The following CDC42EP5 variants were observed in gnomAD, a reference collection of about 807,000 sequenced individuals.
The protein encoded by CDC42EP5 is CDC42 effector protein (Rho GTPase binding) 5.
For missense variants in CDC42EP5, 269 were observed against 238.0 expected (o/e 1.13, Z -0.86); for synonymous variants, 118 against 123.3 (o/e 0.96, Z 0.28).
At chr19:54,465,998 C>G (rs1268697330) in intron 2 of CDC42EP5, among the ~76,000 whole-genome samples, 1 of 152,164 alleles carries the variant, frequency 6.6e-6, no homozygotes, top group Non-Finnish European at 1.5e-5. Context: ...CTGCTGAGCT[C>G]ACATTTGGAT....
At chr19:54,470,315 T>C (rs766213519) in intron 2 of CDC42EP5, among the ~76,000 whole-genome samples, 4 of 151,200 alleles carry the variant, frequency 2.6e-5, no homozygotes, top group African/African-American at 4.9e-5. Flanking sequence ...GAGGCTGCAG[T>C]GAGGTATGAT....
intron 2 of CDC42EP5, among the ~76,000 whole-genome samples, chr19:54,468,806 C>G (rs538426242): frequency 6.6e-6 from 1 of 151,592 alleles, no homozygotes; most frequent in African/African-American, 2.4e-5. Flanking sequence ...CCCGCCTTGG[C>G]CTCCCAAAGT....
chr19:54,470,204 C>CAAAAAT (rs1019456762), intron 2 of CDC42EP5, among the ~76,000 whole-genome samples: 1 of 151,632 alleles, frequency 6.6e-6, no homozygotes, highest in African/African-American at 2.4e-5. Context: ...GATCTCTCTA[C>CAAAAAT]AAAAATAAAA....
At position 54,465,089 on chromosome 19, in the gene CDC42EP5, G is replaced by A. The variant is rs754980580; in HGVS notation, c.*12C>T. On this transcript the variant is annotated 3_prime_UTR_variant, in exon 3 of 3. Transcript: ENST00000301200. ...GGGTGCCGGGCGGGAAGGGCGCGGG[G>A]AATGAGGGAACCTAGAGGCCGATGA... The A allele has an allele frequency of 4.5e-6, 6 of 1,322,328 alleles. No individual in the cohort carries two copies. Among genetic ancestry groups the A allele is most frequent in the Non-Finnish European group, 4.8e-6 (5 of 1,035,010 alleles). The allele number at this position is 1,322,328 out of a possible 1,614,324, so 81.9% of individuals were successfully genotyped here. A position where few individuals can be genotyped will look rare whatever the true frequency, so the allele number is the denominator to read the frequency against.
At chr19:54,469,378 T>A (rs950350111) in intron 2 of CDC42EP5, among the ~76,000 whole-genome samples, 5 of 150,922 alleles carry the variant, frequency 3.3e-5, no homozygotes, top group South Asian at 4.2e-4. Flanking sequence ...ATCCACAGTT[T>A]AAAAAAAAAA....
At chr19:54,472,473 C>A (rs2084856770) in intron 1 of CDC42EP5, among the ~76,000 whole-genome samples, 1 of 86,508 alleles carries the variant, frequency 1.2e-5, no homozygotes, top group Non-Finnish European at 2.3e-5. Flanking sequence ...GACCCCCCAG[C>A]CCCTCCTCCC....
At chr19:54,471,408 A>AC in intron 2 of CDC42EP5, 137 bp downstream of exon 2, 1 of 151,536 alleles carries the variant, frequency 6.6e-6, no homozygotes, top group Non-Finnish European at 1.5e-5. Context: ...GGGTCGGGGG[A>AC]CCCCAGATGG....
At chr19:54,471,878 G>GC (rs1225301690) in intron 1 of CDC42EP5, among the ~76,000 whole-genome samples, 193 bp from the exon 2 acceptor site, 1 of 104,498 alleles carries the variant, frequency 9.6e-6, no homozygotes, top group Non-Finnish European at 2.0e-5. Flanking sequence ...AGACCCCCCA[G>GC]CCCCTCCTCC....
Position 54,465,477 on chromosome 19 carries a change from G to T in CDC42EP5, c.71C>A (p.Ser24Tyr), listed in dbSNP as rs895702369. 4 of 1,531,642 alleles carry T rather than the reference G, an allele frequency of 2.6e-6. No individual in the cohort carries two copies. The highest frequency in any genetic ancestry group is 3.5e-6 in the Non-Finnish European group (4 of 1,151,714). 94.9% of individuals were successfully genotyped at this position (1,531,642 alleles called of 1,614,324 possible). A position where few individuals can be genotyped will look rare whatever the true frequency, so the allele number is the denominator to read the frequency against. Residue 24 changes from serine (S) to tyrosine (Y), a missense_variant, in exon 3 of 3, where the codon TCC becomes TAC. By Grantham distance (144) the Ser-to-Tyr change is moderately radical. Coordinates refer to ENST00000301200, the MANE Select transcript of CDC42EP5 (RefSeq NM_145057.4). ...KRPDRGALSI[S>Y]APLGDFRHTL... ...GTGCCGGAAGTCGCCGAGCGGCGCGGAGATGGACAGGGCGCCGCGATCAGG... is the reference window on the plus strand; with the variant it reads ...GTGCCGGAAGTCGCCGAGCGGCGCGTAGATGGACAGGGCGCCGCGATCAGG...
At position 54,465,336 on chromosome 19, in the gene CDC42EP5, G is replaced by T; in HGVS notation, c.212C>A (p.Pro71Gln). The T allele has an allele frequency of 8.5e-7, 1 of 1,172,022 alleles. No individual in the cohort carries two copies. The highest frequency in any genetic ancestry group is 1.1e-6 in the Non-Finnish European group (1 of 949,782). 72.6% of individuals were successfully genotyped at this position (1,172,022 alleles called of 1,614,324 possible). The change falls in exon 3 of 3, where the codon CCG becomes CAG. Residue 71 changes from proline to glutamine, a missense_variant. Pro to Gln is a moderately conservative substitution (Grantham distance 76, BLOSUM62 -1). Coordinates refer to ENST00000301200, the MANE Select transcript of CDC42EP5 (RefSeq NM_145057.4). Reference sequence around the variant, plus strand: ...GGACTGCGGGACGGCGGGCGGCGGCGGGGAGCGCGGGGCCCCCGCGGGGGG... The same window carrying T: ...GGACTGCGGGACGGCGGGCGGCGGCTGGGAGCGCGGGGCCCCCGCGGGGGG... ...RAPPAGAPRSPPPPAVPQSAA... is the reference protein window; with the variant it reads ...RAPPAGAPRSQPPPAVPQSAA...
At chr19:54,467,407 C>G (rs971874753) in intron 2 of CDC42EP5, among the ~76,000 whole-genome samples, 8 of 150,456 alleles carry the variant, frequency 5.3e-5, no homozygotes, top group Non-Finnish European at 5.9e-5. Context: ...GAGCTGAGAT[C>G]GCGCCATTGC....
chr19:54,470,613 T>C (rs1439119118), intron 2 of CDC42EP5, among the ~76,000 whole-genome samples: 2 of 152,078 alleles, frequency 1.3e-5, no homozygotes, highest in African/African-American at 2.4e-5. Context: ...GAAATTTTAT[T>C]TTCCAAGTGC....
rs543856899 is a variant in CDC42EP5, at chr19:54,465,041, G to A, written c.*60C>T. 2.8e-5 allele frequency: 35 copies of A among 1,239,932 alleles called. No individual in the cohort carries two copies. In the African/African-American group the frequency reaches 4.4e-4, roughly 16 times the overall value. 76.8% of individuals were successfully genotyped at this position (1,239,932 alleles called of 1,614,324 possible). ...AAGTCAGAGCCCGGGCACACACCTT[G>A]GCCGTTTATGTATACAGAAGTGGGG... is the stretch of plus-strand genomic sequence containing the variant. On this transcript the variant is annotated 3_prime_UTR_variant, in exon 3 of 3. Transcript: ENST00000301200.
chr19:54,473,278 G>A lies in CDC42EP5; in HGVS notation c.-356C>T, dbSNP rs1184440958. On this transcript the variant is annotated 5_prime_UTR_variant, in exon 1 of 3. Transcript: ENST00000301200. ...CTCTGGGCGGAGTGTGGGGGCGGGA[G>A]GAGGCCAGGACTAAGTGTGCAGGGG... is the stretch of plus-strand genomic sequence containing the variant. 1 of 153,930 alleles carries A rather than the reference G, an allele frequency of 6.5e-6. No individual in the cohort carries two copies. Among genetic ancestry groups the A allele is most frequent in the Non-Finnish European group, 1.4e-5 (1 of 69,554 alleles). The allele number at this position is 153,930 out of a possible 1,614,324, so 9.5% of individuals were successfully genotyped here.
At position 54,465,519 on chromosome 19, in the gene CDC42EP5, G is replaced by A; in HGVS notation, c.29C>T (p.Ala10Val). 2.0e-6 allele frequency: 3 copies of A among 1,536,962 alleles called. No homozygotes were observed. The highest frequency in any genetic ancestry group is 8.7e-7 in the Non-Finnish European group (1 of 1,153,856). The part of the protein sequence containing the change: MPVLKQLGP[A>V]QPKKRPDRGA... ...GCGATCAGGCCGCTTCTTGGGCTGC[G>A]CGGGGCCCAGCTGCTTCAGCACGGG... Residue 10 changes from alanine to valine, a missense_variant, in exon 3 of 3, where the codon GCG becomes GTG. Transcript: ENST00000301200.
At chr19:54,467,643 C>T (rs571310047) in intron 2 of CDC42EP5, among the ~76,000 whole-genome samples, 1 of 151,552 alleles carries the variant, frequency 6.6e-6, no homozygotes, top group African/African-American at 2.4e-5. Flanking sequence ...CTGCCTCAGC[C>T]TCCTGAGTGG....
At chr19:54,469,893 A>T (rs1451150626) in intron 2 of CDC42EP5, among the ~76,000 whole-genome samples, 1 of 151,920 alleles carries the variant, frequency 6.6e-6, no homozygotes, top group Admixed American at 6.6e-5. Flanking sequence ...TGCACCTCGC[A>T]TCCCCCTTCC....
At chr19:54,466,860 C>T (rs2084761338) in intron 2 of CDC42EP5, among the ~76,000 whole-genome samples, 1 of 151,434 alleles carries the variant, frequency 6.6e-6, no homozygotes, top group Non-Finnish European at 1.5e-5. Flanking sequence ...ACTTAAACAT[C>T]TGCATATTTG....
chr19:54,467,516 C>T (rs189025202), intron 2 of CDC42EP5, among the ~76,000 whole-genome samples: 22 of 150,866 alleles, frequency 1.5e-4, no homozygotes, highest in Non-Finnish European at 3.1e-4. Flanking sequence ...TTGAAGCTGG[C>T]AGCATCTGCA....
Sources: allele counts gnomAD v4.1 joint callset (sites outside exome capture counted in the v4.1 genomes callset), GRCh38; gene constraint gnomAD v4.1.1; transcripts MANE v1.5; gene names NCBI Gene and HGNC (gene_info 2026-07-23, HGNC 2026-07-21).